The following CYFIP2 variants were observed in gnomAD, a reference collection of about 807,000 sequenced individuals.
CYFIP2 encodes cytoplasmic FMR1 interacting protein 2, also known as cytoplasmic FMR1-interacting protein 2.
A neutral mutation model predicts 158.7 loss-of-function variants in CYFIP2; 29 were observed. That is an observed-to-expected ratio of 0.18 (90% CI 0.14 to 0.25). CYFIP2 has a LOEUF of 0.25. CYFIP2 is among the 10% of genes least tolerant of loss of function. The probability of loss-of-function intolerance (pLI) is 1.00; values close to 1 mark genes in which losing one functional copy is unlikely to be tolerated. For synonymous variants in CYFIP2, 585 were observed against 617.6 expected (o/e 0.95, Z 0.78); for missense variants, 852 against 1,639.5 (o/e 0.52, Z 8.29).
At chr5:157,307,291 G>C (rs1245209276) in intron 8 of CYFIP2, among the ~76,000 whole-genome samples, 1 of 152,220 alleles carries the variant, frequency 6.6e-6, no homozygotes, top group Non-Finnish European at 1.5e-5. Context: ...GATACAGCAA[G>C]GAGCTAGGAG....
intron 26 of CYFIP2, among the ~76,000 whole-genome samples, chr5:157,369,114 G>T (rs1419022460): frequency 1.3e-5 from 2 of 151,978 alleles, no homozygotes; most frequent in Non-Finnish European, 2.9e-5. Context: ...GGCCAGGCTG[G>T]TTCTAACTTC....
Position 157,324,086 on chromosome 5 carries a change from C to T in CYFIP2, c.1825+12C>T. On this transcript the variant is annotated intron_variant, in intron 16 of 30. Transcript: ENST00000620254. ...GCTCAACATCAGTGGTGAGCTGCAT[C>T]CCATCCCTGCTAAGGCATGGGAGGA... The T allele has an allele frequency of 6.2e-7, 1 of 1,604,794 alleles. No homozygotes were observed. Among genetic ancestry groups the T allele is most frequent in the Non-Finnish European group, 8.5e-7 (1 of 1,174,522 alleles).
intron 24 of CYFIP2, among the ~76,000 whole-genome samples, chr5:157,359,742 T>G (rs908698005): frequency 1.3e-5 from 2 of 152,228 alleles, no homozygotes; most frequent in Non-Finnish European, 2.9e-5. Flanking sequence ...TTATGAAAAT[T>G]TCAAATGATG....
intron 23 of CYFIP2, among the ~76,000 whole-genome samples, chr5:157,350,388 T>C (rs1415754530): frequency 6.6e-6 from 1 of 152,254 alleles, no homozygotes; most frequent in African/African-American, 2.4e-5. Context: ...GTGTCTGTCC[T>C]TTCCCCGCTT....
intron 7 of CYFIP2, among the ~76,000 whole-genome samples, chr5:157,303,945 C>T (rs1052820921): frequency 3.3e-5 from 5 of 151,946 alleles, no homozygotes; most frequent in Non-Finnish European, 7.4e-5. Context: ...TGCTGTAAAA[C>T]TGAGCTGCTT....
At chr5:157,325,455 C>G (rs1468691959) in intron 16 of CYFIP2, 27 bp from the exon 17 acceptor site, 1 of 1,570,230 alleles carries the variant, frequency 6.4e-7, no homozygotes, top group Non-Finnish European at 8.6e-7. Context: ...TAAAAGTAAC[C>G]AAAGGCTCGT....
intron 15 of CYFIP2, chr5:157,322,872 C>T: frequency 7.2e-7 from 1 of 1,392,428 alleles, no homozygotes; most frequent in Non-Finnish European, 9.8e-7. Flanking sequence ...CTCTCTCTTT[C>T]TCTCTCTCCC....
intron 1 of CYFIP2, among the ~76,000 whole-genome samples, chr5:157,275,271 AG>A (rs1395865235): frequency 1.3e-5 from 2 of 152,070 alleles, no homozygotes; most frequent in African/African-American, 4.8e-5. Flanking sequence ...TACTCTTATG[AG>A]TTTTATAGTT....
At chr5:157,351,228 G>A (rs1038799054) in intron 23 of CYFIP2, among the ~76,000 whole-genome samples, 3 of 151,972 alleles carry the variant, frequency 2.0e-5, no homozygotes, top group African/African-American at 7.3e-5. Context: ...TAAAGTCCTG[G>A]GCTTACGAAT....
intron 26 of CYFIP2, among the ~76,000 whole-genome samples, chr5:157,367,135 C>G (rs1764451664): frequency 6.6e-6 from 1 of 152,178 alleles, no homozygotes; most frequent in Non-Finnish European, 1.5e-5. Flanking sequence ...AGTCTAGACC[C>G]AAACTCACAG....
chr5:157,360,316 T>C lies in CYFIP2; in HGVS notation c.2852T>C (p.Leu951Pro). The C allele has an allele frequency of 6.2e-7, 1 of 1,613,840 alleles. No individual in the cohort carries two copies. The highest frequency in any genetic ancestry group is 8.5e-7 in the Non-Finnish European group (1 of 1,179,782). Reference protein sequence around the residue: ...QGTILQYVKTLIEVMPKICRL... With the variant: ...QGTILQYVKTPIEVMPKICRL... ...ACCATTCTCCAGTATGTGAAAACAC[T>C]GATAGAGGTGATGCCCAAGATATGC... Residue 951 changes from leucine to proline, a missense_variant, in exon 25 of 31, where the codon CTG (leucine) becomes CCG (proline). By Grantham distance (98) the Leu-to-Pro change is moderately conservative. Coordinates refer to ENST00000620254, the MANE Select transcript of CYFIP2 (RefSeq NM_001037333.3).
chr5:157,379,668 C>CAAA (rs70984468), intron 26 of CYFIP2, among the ~76,000 whole-genome samples: 19,908 of 73,368 alleles, frequency 0.27, 3,270 homozygotes, highest in East Asian at 0.65. Flanking sequence ...GACCCTGTCT[C>CAAA]AAAAAAAAAA....
At chr5:157,376,756 C>T (rs1315711854) in intron 26 of CYFIP2, 1 of 334,146 alleles carries the variant, frequency 3.0e-6, no homozygotes, top group Non-Finnish European at 6.3e-6. Context: ...CTTATGCAAA[C>T]CTTGCACTTG....
chr5:157,337,617 T>TA (rs1203673516), intron 21 of CYFIP2, among the ~76,000 whole-genome samples: 2 of 152,216 alleles, frequency 1.3e-5, no homozygotes, highest in African/African-American at 4.8e-5. Flanking sequence ...TAGCCTGGGA[T>TA]CTCCACCTGA....
intron 1 of CYFIP2, among the ~76,000 whole-genome samples, chr5:157,268,594 A>T (rs1381885842): frequency 1.3e-5 from 2 of 152,096 alleles, no homozygotes; most frequent in Non-Finnish European, 2.9e-5. Context: ...ATTGGACTAC[A>T]CTCTCAACGC....
At chr5:157,296,900 A>T in intron 5 of CYFIP2, 126 bp downstream of exon 5, 1 of 726,352 alleles carries the variant, frequency 1.4e-6, no homozygotes, top group Admixed American at 2.8e-5. Flanking sequence ...ACTGTGCCCT[A>T]CACATCCCTG....
rs1767456941 is a variant in CYFIP2 at position 157,392,968 on chromosome 5, C to G, written c.3730C>G (p.Pro1244Ala). The change falls in exon 31 of 31, where the codon CCC becomes GCC. Residue 1244 changes from proline (P) to alanine (A), a missense_variant. Pro to Ala is a conservative substitution (Grantham distance 27). Around this residue, in one of 8 missense-constraint regions of CYFIP2, gnomAD observed 223 missense variants for 381.6 expected, o/e 0.58. Coordinates refer to ENST00000620254, the MANE Select transcript of CYFIP2 (RefSeq NM_001037333.3). The part of the protein sequence containing the change: ...TVEHVRCFQP[P>A]IHQSLATTC ...GGAGCATGTGCGCTGCTTCCAGCCA[C>G]CCATCCACCAGTCCTTGGCCACCAC... is the stretch of plus-strand genomic sequence containing the variant. 6.2e-7 allele frequency: 1 copy of G among 1,613,814 alleles called. No individual in the cohort carries two copies. The highest frequency in any genetic ancestry group is 1.3e-5 in the African/African-American group (1 of 74,904).
Position 157,332,121 on chromosome 5 carries a change from A to C in CYFIP2, c.2266-1206A>C, listed in dbSNP as rs187483678. Among the ~76,000 whole-genome samples, 331 of 152,242 alleles carry C rather than the reference A, an allele frequency of 2.2e-3. 1 individual carries two copies. Among genetic ancestry groups the C allele is most frequent in the African/African-American group, 7.3e-3 (304 of 41,558 alleles). ...GATGGCAGAAAGAACCCCAGGGCTA[A>C]ATTTGGGATGTCAGCAGAAACACTT... On this transcript the variant is annotated intron_variant, in intron 20 of 30. Coordinates refer to ENST00000620254, the MANE Select transcript of CYFIP2 (RefSeq NM_001037333.3).
At chr5:157,343,321 G>T in intron 23 of CYFIP2, 1 of 1,614,228 alleles carries the variant, frequency 6.2e-7, no homozygotes, top group Non-Finnish European at 8.5e-7. Flanking sequence ...TGCACAGGAA[G>T]TAGAGAGTGG....
Sources: gnomAD v4.1 joint callset for allele counts (sites outside exome capture counted in the v4.1 genomes callset) on GRCh38, gnomAD v4.1.1 for gene constraint, gnomAD v4.1.1 regional missense constraint, MANE v1.5 for transcripts, NCBI Gene and HGNC (gene_info 2026-07-23, HGNC 2026-07-21) for gene names.